ATP13A5: variants seen among roughly 807,000 people sequenced by gnomAD.
ATP13A5 encodes the protein probable cation-transporting ATPase 13A5.
Under a neutral mutation model 150.2 loss-of-function variants are expected in ATP13A5, and 149 were observed. The observed-to-expected ratio is 0.99, with a 90% CI of 0.87 to 1.14. ATP13A5 has a LOEUF of 1.14. Among genes scored for constraint, ATP13A5 ranks in the 50% most tolerant of loss-of-function variants. ATP13A5 has a pLI of 0.00. For missense variants in ATP13A5, 1,383 were observed against 1,449.3 expected, an observed-to-expected ratio of 0.95 and a Z score of 0.74; for synonymous variants, 497 against 522.2, an observed-to-expected ratio of 0.95 and a Z score of 0.66.
At chr3:193,362,315 A>G in intron 5 of ATP13A5, 66 bp downstream of exon 5, 4 of 1,381,110 alleles carry the variant, frequency 2.9e-6, no homozygotes, top group Non-Finnish European at 4.1e-6. Context: ...TGCACTGATG[A>G]TAACTGATTT....
At chr3:193,315,853 C>T (rs1719029446) in intron 17 of ATP13A5, among the ~76,000 whole-genome samples, 1 of 112,196 alleles carries the variant, frequency 8.9e-6, no homozygotes, top group Non-Finnish European at 1.8e-5. Flanking sequence ...AAAAAGTTTC[C>T]TTCTACCCTG....
chr3:193,312,905 A>G (rs777948103), intron 19 of ATP13A5: 1 of 151,708 alleles, frequency 6.6e-6, no homozygotes, highest in South Asian at 2.1e-4. Flanking sequence ...TTTTGCTTGC[A>G]CTGGGAATGT....
At chr3:193,288,834 TA>T (rs1717829305) in intron 26 of ATP13A5, among the ~76,000 whole-genome samples, 4 of 152,054 alleles carry the variant, frequency 2.6e-5, no homozygotes, top group Non-Finnish European at 4.4e-5. Context: ...ATTAAGGTAA[TA>T]AAATTGAGGG....
chr3:193,281,703 T>C (rs1717502524), intron 27 of ATP13A5, among the ~76,000 whole-genome samples: 2 of 152,212 alleles, frequency 1.3e-5, no homozygotes, highest in South Asian at 4.1e-4. Flanking sequence ...TTTTGACTTA[T>C]AACCTGAGAG....
chr3:193,315,274 C>T (rs1462339499), intron 17 of ATP13A5, among the ~76,000 whole-genome samples, 178 bp from the exon 18 acceptor site: 1 of 102,964 alleles, frequency 9.7e-6, no homozygotes, highest in African/African-American at 2.8e-5. Context: ...CACCACCTCA[C>T]CCCTCTCCTT....
At chr3:193,307,146 G>C (rs1217426235) in intron 22 of ATP13A5, 181 bp downstream of exon 22, 2 of 1,434,184 alleles carry the variant, frequency 1.4e-6, no homozygotes, top group Non-Finnish European at 9.1e-7. Flanking sequence ...CATCGGAAGT[G>C]TCTCATCTCC....
chr3:193,301,089 C>A (rs537685421), intron 24 of ATP13A5, 122 bp downstream of exon 24: 1 of 848,688 alleles, frequency 1.2e-6, no homozygotes. Context: ...TTTGCAGACA[C>A]CTATTTTGAG....
chr3:193,282,911 A>T (rs1421123367), intron 27 of ATP13A5, among the ~76,000 whole-genome samples: 1 of 152,232 alleles, frequency 6.6e-6, no homozygotes, highest in Non-Finnish European at 1.5e-5. Context: ...TGAACAGGAA[A>T]GAAATAAATA....
chr3:193,296,018 G>A (rs1718156346), intron 25 of ATP13A5, among the ~76,000 whole-genome samples: 1 of 152,126 alleles, frequency 6.6e-6, no homozygotes, highest in Non-Finnish European at 1.5e-5. Context: ...GAAAGGGCAG[G>A]CAGCAGCGAG....
At chr3:193,345,145 G>A in intron 7 of ATP13A5, 70 bp from the exon 8 acceptor site, 1 of 1,390,460 alleles carries the variant, frequency 7.2e-7, no homozygotes, top group Non-Finnish European at 1.0e-6. Flanking sequence ...TCTCATTACA[G>A]TAAATACCAG....
intron 5 of ATP13A5, among the ~76,000 whole-genome samples, chr3:193,354,414 T>C (rs1266133991): frequency 6.6e-6 from 1 of 152,196 alleles, no homozygotes; most frequent in Non-Finnish European, 1.5e-5. Context: ...GATACAAATA[T>C]ATCTTAAATG....
chr3:193,320,303 T>A (rs1042581221), intron 16 of ATP13A5, among the ~76,000 whole-genome samples: 2 of 152,162 alleles, frequency 1.3e-5, no homozygotes, highest in African/African-American at 4.8e-5. Flanking sequence ...TTCCTGGAGG[T>A]GGGAATCTAA....
At chr3:193,339,973 G>A (rs1220283862) in intron 9 of ATP13A5, among the ~76,000 whole-genome samples, 1 of 152,196 alleles carries the variant, frequency 6.6e-6, no homozygotes, top group Non-Finnish European at 1.5e-5. Context: ...ATTTTACAGA[G>A]AGATGGTTTT....
intron 28 of ATP13A5, among the ~76,000 whole-genome samples, chr3:193,278,610 C>T (rs1717333769): frequency 6.6e-6 from 1 of 152,184 alleles, no homozygotes; most frequent in South Asian, 2.1e-4. Flanking sequence ...CTACCTCCTA[C>T]CTGGCAAAAT....
At chr3:193,326,358 C>G (rs1719467137) in intron 13 of ATP13A5, among the ~76,000 whole-genome samples, 1 of 152,140 alleles carries the variant, frequency 6.6e-6, no homozygotes, top group African/African-American at 2.4e-5. Context: ...TGATTGTCCT[C>G]TCCTCTCCCT....
intron 16 of ATP13A5, among the ~76,000 whole-genome samples, chr3:193,319,766 G>A (rs541792755): frequency 0.02 from 2,187 of 109,622 alleles, 34 homozygotes; most frequent in Middle Eastern, 0.036. Flanking sequence ...TTCTAGATCA[G>A]GGGTCAAAAA....
At chr3:193,378,467 A>G (rs1713720128) in intron 1 of ATP13A5, among the ~76,000 whole-genome samples, 196 bp downstream of exon 1, 1 of 152,182 alleles carries the variant, frequency 6.6e-6, no homozygotes, top group Non-Finnish European at 1.5e-5. Context: ...AGAGGTCACA[A>G]GTTTCTCAGC....
At chr3:193,299,939 G>T (rs1718336667) in intron 24 of ATP13A5, among the ~76,000 whole-genome samples, 2 of 152,144 alleles carry the variant, frequency 1.3e-5, no homozygotes, top group Non-Finnish European at 2.9e-5. Context: ...AGTATTGCTG[G>T]CTTCTCAGAG....
intron 7 of ATP13A5, among the ~76,000 whole-genome samples, chr3:193,348,120 C>T (rs919586365): frequency 7.9e-5 from 12 of 152,184 alleles, no homozygotes; most frequent in African/African-American, 2.4e-4. Context: ...AGAAAATCTG[C>T]AAACACGGGT....
Sources: gnomAD v4.1 joint callset for allele counts (sites outside exome capture counted in the v4.1 genomes callset) on GRCh38, gnomAD v4.1.1 for gene constraint, MANE v1.5 for transcripts, NCBI Gene and HGNC (gene_info 2026-07-23, HGNC 2026-07-21) for gene names.